Variants in PRDM2 observed in about 807,000 individuals in gnomAD.
The protein encoded by PRDM2 is PR domain zinc finger protein 2.
Under a neutral mutation model 130.0 loss-of-function variants are expected in PRDM2, and 30 were observed. The observed-to-expected ratio is 0.23, with a 90% confidence interval of 0.17 to 0.31. The LOEUF (loss-of-function observed/expected upper bound fraction) is 0.31, where lower values mean the gene tolerates loss of function less well. Ranked by LOEUF, PRDM2 falls within the 10% of genes least tolerant of loss-of-function variation. The probability of loss-of-function intolerance (pLI) is 1.00; values close to 1 mark genes in which losing one functional copy is unlikely to be tolerated. For synonymous variants in PRDM2, 871 were observed against 782.4 expected, an observed-to-expected ratio of 1.11 and a Z score of -1.89; for missense variants, 2,011 against 2,108.4, an observed-to-expected ratio of 0.95 and a Z score of 0.90.
At chr1:13,772,887 A>G (rs554624478) in intron 6 of PRDM2, among the ~76,000 whole-genome samples, 191 bp from the exon 7 acceptor site, 24 of 152,352 alleles carry the variant, frequency 1.6e-4, no homozygotes, top group African/African-American at 5.8e-4. Flanking sequence ...ATTTACCTAT[A>G]TAACAGAGTA....
At chr1:13,706,139 C>T (rs948954822) in intron 1 of PRDM2, among the ~76,000 whole-genome samples, 1 of 151,956 alleles carries the variant, frequency 6.6e-6, no homozygotes, top group African/African-American at 2.4e-5. Flanking sequence ...TCTTTTTTAC[C>T]TCCTGTTCAG....
Position 13,749,453 on chromosome 1 carries a change from C to G in PRDM2, c.477C>G (p.Ala159=). 2 of 1,507,724 alleles carry G rather than the reference C, an allele frequency of 1.3e-6. No individual in the cohort carries two copies. Among genetic ancestry groups the G allele is most frequent in the Non-Finnish European group, 1.8e-6 (2 of 1,116,130 alleles). The allele number at this position is 1,507,724 out of a possible 1,614,324, so 93.4% of individuals were successfully genotyped here. A position where few individuals can be genotyped will look rare whatever the true frequency, so the allele number is the denominator to read the frequency against. Residue 159 remains alanine, a synonymous_variant, in exon 6 of 10, where the codon GCC becomes GCG. Coordinates refer to ENST00000311066, the MANE Select transcript of PRDM2 (RefSeq NM_001393986.1). The part of the protein sequence containing the change: ...AAAIEEERAS[A]RSKRSSPKSR... ...CGATTGAGGAAGAGCGAGCCAGCGCCCGGAGCAAGCGGAGCTCCCCCAAGA... is the reference window on the plus strand; with the variant it reads ...CGATTGAGGAAGAGCGAGCCAGCGCGCGGAGCAAGCGGAGCTCCCCCAAGA...
At position 13,732,810 on chromosome 1, in the gene PRDM2, C is replaced by A; in HGVS notation, c.159C>A (p.Gly53=). 1 of 1,607,002 alleles carries A rather than the reference C, an allele frequency of 6.2e-7. No homozygotes were observed. The highest frequency in any genetic ancestry group is 8.5e-7 in the Non-Finnish European group (1 of 1,176,928). ...GGGCCACTAAACCAATTTTAAAAGG[C>A]AAAAAATTTGGGCCATTTGTTGGTG... is the stretch of plus-strand genomic sequence containing the variant. ...GVWATKPILK[G]KKFGPFVGDK... is the part of the protein sequence containing the mutation. Residue 53 remains glycine (G), a synonymous_variant, in exon 4 of 10, where the codon GGC becomes GGA. Coordinates refer to ENST00000311066, the MANE Select transcript of PRDM2 (RefSeq NM_001393986.1).
chr1:13,740,387 T>C (rs1381683953), intron 4 of PRDM2, among the ~76,000 whole-genome samples: 1 of 152,186 alleles, frequency 6.6e-6, no homozygotes, highest in Non-Finnish European at 1.5e-5. Context: ...ATGAAACTTA[T>C]TATCCCTGAG....
chr1:13,723,645 GCTT>G (rs1472048383), intron 2 of PRDM2, among the ~76,000 whole-genome samples: 5 of 152,128 alleles, frequency 3.3e-5, no homozygotes, highest in East Asian at 1.9e-4. Flanking sequence ...CATTTGCTGT[GCTT>G]CTTCTTCCGT....
intron 5 of PRDM2, among the ~76,000 whole-genome samples, chr1:13,746,827 G>A (rs544517400): frequency 1.6e-4 from 25 of 152,340 alleles, no homozygotes; most frequent in Admixed American, 6.5e-4. Flanking sequence ...AAAGTTCTGG[G>A]ATTGCAGCCA....
At position 13,742,254 on chromosome 1, in the gene PRDM2, G is replaced by T; in HGVS notation, c.384+97G>T. The T allele has an allele frequency of 2.2e-6, 3 of 1,355,220 alleles. No individual in the cohort carries two copies. The South Asian group carries it at 4.0e-5, about 18-fold the overall frequency. 83.9% of individuals were successfully genotyped at this position (1,355,220 alleles called of 1,614,324 possible). ...CTCATTCTGTCTCTCAGGCTGGAGT[G>T]CAGGGGCTCCATCACGGCTCACTGC... On this transcript the variant is annotated intron_variant, in intron 5 of 9. Coordinates refer to ENST00000311066, the MANE Select transcript of PRDM2 (RefSeq NM_001393986.1).
At chr1:13,761,544 A>C (rs952028786) in intron 6 of PRDM2, among the ~76,000 whole-genome samples, 1 of 152,112 alleles carries the variant, frequency 6.6e-6, no homozygotes, top group Non-Finnish European at 1.5e-5. Context: ...CTGTTGATAC[A>C]CAATGCTTGT....
chr1:13,797,249 C>T (rs921250699), intron 8 of PRDM2, among the ~76,000 whole-genome samples: 3 of 152,118 alleles, frequency 2.0e-5, no homozygotes, highest in East Asian at 3.9e-4. Flanking sequence ...TCTCTAATGG[C>T]CAATGTTTAT....
At position 13,806,380 on chromosome 1, in the gene PRDM2, C is replaced by T. The variant is rs1001306896; in HGVS notation, c.5037-10047C>T. On this transcript the variant is annotated intron_variant, in intron 8 of 9. Transcript: ENST00000311066. This position sits in a 1 kb window ranked among gnomAD's most constrained non-coding sequence, Gnocchi z 4.1. ...TGGATGCTGACCAATCCCGGGTTTC[C>T]ACCCTCATCAGAATCTCCATTCAGC... Among the ~76,000 whole-genome samples, 1 of 152,148 alleles carries T rather than the reference C, an allele frequency of 6.6e-6. No individual in the cohort carries two copies. Among genetic ancestry groups the T allele is most frequent in the Non-Finnish European group, 1.5e-5 (1 of 68,018 alleles).
At chr1:13,744,620 T>C (rs1010036027) in intron 5 of PRDM2, among the ~76,000 whole-genome samples, 1 of 152,222 alleles carries the variant, frequency 6.6e-6, no homozygotes, top group African/African-American at 2.4e-5. Flanking sequence ...TCATAGTTTG[T>C]TGTGAAGGTT....
intron 9 of PRDM2, among the ~76,000 whole-genome samples, chr1:13,822,901 G>A (rs2744681): frequency 0.76 from 114,910 of 151,964 alleles, 43,576 homozygotes; most frequent in Middle Eastern, 0.83. Flanking sequence ...TCCCGAGGGC[G>A]GGAGGGTTCA....
chr1:13,735,201 C>G (rs1448068205), intron 4 of PRDM2, among the ~76,000 whole-genome samples: 1 of 152,198 alleles, frequency 6.6e-6, no homozygotes, highest in Non-Finnish European at 1.5e-5. Flanking sequence ...GTCTTAAGTC[C>G]TCTAAGCTTT....
chr1:13,722,202 A>G (rs1475311281), intron 2 of PRDM2, among the ~76,000 whole-genome samples: 4 of 152,110 alleles, frequency 2.6e-5, no homozygotes, highest in Non-Finnish European at 5.9e-5. Context: ...CATAGGCCTT[A>G]CAGAACATGC....
intron 8 of PRDM2, among the ~76,000 whole-genome samples, chr1:13,815,441 G>A (rs991479957): frequency 6.6e-6 from 1 of 152,122 alleles, no homozygotes; most frequent in Non-Finnish European, 1.5e-5. Flanking sequence ...GCCAAGCTGG[G>A]GATGCAACAA....
In PRDM2 at chr1:13,711,822, T is replaced by C. The variant is rs113286343; in HGVS notation, c.-65-3719T>C. On this transcript the variant is annotated intron_variant, in intron 1 of 9. Coordinates refer to ENST00000311066, the MANE Select transcript of PRDM2 (RefSeq NM_001393986.1). ...TTTAGCAATTAGGATTTGGAAGTAA[T>C]AGGGAGGAGGCTCTCCCCACACAGA... Among the ~76,000 whole-genome samples the C allele has an allele frequency of 7.7e-4, 117 of 152,010 alleles. 1 individual carries two copies. The highest frequency in any genetic ancestry group is 2.6e-4 in the Admixed American group (4 of 15,266).
chr1:13,816,375 G>A (rs766596156), intron 8 of PRDM2, 52 bp from the exon 9 acceptor site: 1 of 1,605,332 alleles, frequency 6.2e-7, no homozygotes, highest in Admixed American at 1.7e-5. Context: ...CAATGTCTAG[G>A]GCACCGGGCT....
At chr1:13,744,123 C>T (rs2100514959) in intron 5 of PRDM2, among the ~76,000 whole-genome samples, 1 of 152,310 alleles carries the variant, frequency 6.6e-6, no homozygotes, top group Non-Finnish European at 1.5e-5. Flanking sequence ...TAGGACACTG[C>T]AATTCCTTCA....
At chr1:13,757,778 CTTTTTTTT>C (rs34501705) in intron 6 of PRDM2, among the ~76,000 whole-genome samples, 3 of 105,906 alleles carry the variant, frequency 2.8e-5, no homozygotes, top group Non-Finnish European at 1.9e-5. Context: ...AGGTGGATAG[CTTTTTTTT>C]TTTTTTTTTT....
Sources: gnomAD v4.1 joint callset for allele counts (sites outside exome capture counted in the v4.1 genomes callset) on GRCh38, gnomAD v4.1.1 for gene constraint, Gnocchi (gnomAD v3.1) non-coding constraint, MANE v1.5 for transcripts, NCBI Gene and HGNC (gene_info 2026-07-23, HGNC 2026-07-21) for gene names.